The following LRP11 variants were observed in gnomAD, a reference collection of about 807,000 sequenced individuals.
The protein encoded by LRP11 is low-density lipoprotein receptor-related protein 11.
Under a neutral mutation model 43.1 loss-of-function variants are expected in LRP11, and 25 were observed. That is an observed-to-expected ratio of 0.58 (90% CI 0.42 to 0.81). The LOEUF is 0.81. Ranked by LOEUF, LRP11 falls within the 30% of genes least tolerant of loss-of-function variation. The pLI is 0.00. For missense variants in LRP11, 623 were observed against 665.1 expected, an observed-to-expected ratio of 0.94 and a Z score of 0.70; for synonymous variants, 316 against 299.4, an observed-to-expected ratio of 1.06 and a Z score of -0.57.
chr6:149,830,784 G>C (rs1244189818), intron 5 of LRP11, among the ~76,000 whole-genome samples: 1 of 152,194 alleles, frequency 6.6e-6, no homozygotes, highest in Non-Finnish European at 1.5e-5. Flanking sequence ...TGTAGGGAGG[G>C]ATCAGGTATC....
chr6:149,821,580 G>A (rs1776278820), intron 6 of LRP11, among the ~76,000 whole-genome samples: 1 of 152,224 alleles, frequency 6.6e-6, no homozygotes, highest in South Asian at 2.1e-4. Context: ...AGTTTTTCCT[G>A]TGAGGTGGAT....
chr6:149,831,409 G>T lies in LRP11; in HGVS notation c.1252+4676C>A, dbSNP rs532006572. On this transcript the variant is annotated intron_variant, in intron 5 of 6. Coordinates refer to ENST00000239367, the MANE Select transcript of LRP11 (RefSeq NM_032832.6). ...CTCGGGGTAGCTTGGATACAAGAGG[G>T]TGGAATTGTTAATGAATGACATGGA... Among the ~76,000 whole-genome samples the T allele has an allele frequency of 8.5e-5, 13 of 152,334 alleles. No homozygotes were observed. The South Asian group carries it at 2.1e-3, about 24-fold the overall frequency.
chr6:149,841,114 C>T (rs1015732019), intron 3 of LRP11, among the ~76,000 whole-genome samples: 3 of 152,068 alleles, frequency 2.0e-5, no homozygotes, highest in African/African-American at 4.8e-5. Flanking sequence ...TTTTTAATGC[C>T]GCCTATGAAA....
intron 2 of LRP11, among the ~76,000 whole-genome samples, chr6:149,846,878 G>A (rs558094594): frequency 2.0e-5 from 3 of 151,994 alleles, no homozygotes; most frequent in Non-Finnish European, 4.4e-5. Context: ...AGGTTGCAGT[G>A]AGCCAAGATT....
intron 4 of LRP11, 118 bp downstream of exon 4, chr6:149,837,220 G>C: frequency 8.8e-7 from 1 of 1,130,734 alleles, no homozygotes. Flanking sequence ...TACATGTAAA[G>C]TTATAACTAA....
Position 149,820,400 on chromosome 6 carries a change from T to G in LRP11, c.*149A>C, listed in dbSNP as rs1420151079. On this transcript the variant is annotated 3_prime_UTR_variant, in exon 7 of 7. Transcript: ENST00000239367. ...ATTTTATGACTTCTAAGGAAACTTT[T>G]TTTACAATAAATAATAAAGAAAGAT... 1 of 476,374 alleles carries G rather than the reference T, an allele frequency of 2.1e-6. No individual in the cohort carries two copies. The highest frequency in any genetic ancestry group is 2.0e-5 in the African/African-American group (1 of 50,342). The allele number at this position is 476,374 out of a possible 1,614,324, so 29.5% of individuals were successfully genotyped here. A position where few individuals can be genotyped will look rare whatever the true frequency, so the allele number is the denominator to read the frequency against.
chr6:149,854,707 G>A (rs7748221), intron 1 of LRP11, among the ~76,000 whole-genome samples: 5,054 of 152,258 alleles, frequency 0.033, 257 homozygotes, highest in African/African-American at 0.12. Flanking sequence ...GCTCTGGTTC[G>A]AGTGCTGGCT....
chr6:149,842,571 A>T, intron 3 of LRP11: 1 of 1,409,892 alleles, frequency 7.1e-7, no homozygotes. Flanking sequence ...TCCCCCGCAC[A>T]GCCTCCAGTA....
intron 1 of LRP11, among the ~76,000 whole-genome samples, chr6:149,859,396 A>ATATATATATATATATATATATATACATAT: frequency 1.4e-5 from 1 of 71,512 alleles, no homozygotes; most frequent in Non-Finnish European, 2.3e-5. Flanking sequence ...ATATATATAT[A>ATATATATATATATATATATATATACATAT]TTTTTTTTTT....
intron 2 of LRP11, among the ~76,000 whole-genome samples, chr6:149,847,127 G>T (rs931744959): frequency 6.6e-6 from 1 of 152,118 alleles, no homozygotes; most frequent in Non-Finnish European, 1.5e-5. Flanking sequence ...GAGCTTCTGG[G>T]TGTCAAAGCT....
intron 3 of LRP11, chr6:149,842,418 C>T: frequency 3.5e-6 from 2 of 567,170 alleles, no homozygotes; most frequent in East Asian, 2.9e-5. Context: ...CATTTAAAAC[C>T]TACTGTTTTA....
At chr6:149,854,807 G>C (rs2115414263) in intron 1 of LRP11, among the ~76,000 whole-genome samples, 1 of 152,220 alleles carries the variant, frequency 6.6e-6, no homozygotes, top group South Asian at 2.1e-4. Context: ...CTCCACAGGG[G>C]CCAATGTTGC....
rs1014260003 is a variant in LRP11, at chr6:149,819,308, G to A, written c.*1241C>T. ...TATTTTAAAATATTTGCCACTTATG[G>A]TTAAAAAAAACGTGAATAAGAATAT... On this transcript the variant is annotated 3_prime_UTR_variant, in exon 7 of 7. Coordinates refer to ENST00000239367, the MANE Select transcript of LRP11 (RefSeq NM_032832.6). 1 of 151,782 alleles carries A rather than the reference G, an allele frequency of 6.6e-6. No individual in the cohort carries two copies. The highest frequency in any genetic ancestry group is 1.5e-5 in the Non-Finnish European group (1 of 67,988). 9.4% of individuals were successfully genotyped at this position (151,782 alleles called of 1,614,324 possible). A position where few individuals can be genotyped will look rare whatever the true frequency, so the allele number is the denominator to read the frequency against.
At position 149,839,334 on chromosome 6, in the gene LRP11, G is replaced by A. The variant is rs143786304; in HGVS notation, c.914-1871C>T. The stretch of plus-strand genomic sequence containing the variant: ...ATAAATGGTGATAGAAGCTCCTGCG[G>A]AAGAAGAGGAAGCAAAGAGCCTGCA... On this transcript the variant is annotated intron_variant, in intron 3 of 6. Coordinates refer to ENST00000239367, the MANE Select transcript of LRP11 (RefSeq NM_032832.6). 5.9e-3 allele frequency among the ~76,000 whole-genome samples: 896 copies of A among 152,286 alleles called. 7 individuals carry two copies. Among genetic ancestry groups the A allele is most frequent in the African/African-American group, 0.021 (855 of 41,566 alleles).
intron 2 of LRP11, among the ~76,000 whole-genome samples, chr6:149,848,428 G>T (rs775999996): frequency 5.3e-5 from 8 of 152,150 alleles, no homozygotes; most frequent in Non-Finnish European, 1.2e-4. Flanking sequence ...ACACATGCAT[G>T]CATACGTTCA....
intron 1 of LRP11, among the ~76,000 whole-genome samples, chr6:149,862,603 G>C (rs1475656393): frequency 2.1e-5 from 2 of 95,770 alleles, no homozygotes; most frequent in Non-Finnish European, 4.1e-5. Context: ...TTTTAAGATG[G>C]AGTTTCGCTC....
chr6:149,844,638 C>T (rs1776604459), intron 2 of LRP11, among the ~76,000 whole-genome samples: 1 of 152,184 alleles, frequency 6.6e-6, no homozygotes, highest in Non-Finnish European at 1.5e-5. Flanking sequence ...ATGAACTAGT[C>T]TGGATATTGT....
chr6:149,850,692 G>A (rs896852470), intron 2 of LRP11, among the ~76,000 whole-genome samples: 1 of 152,162 alleles, frequency 6.6e-6, no homozygotes, highest in African/African-American at 2.4e-5. Flanking sequence ...TTTCTCTAGG[G>A]TGAAAGTCAA....
At position 149,864,276 on chromosome 6, in the gene LRP11, G is replaced by GCGCCTCTC; in HGVS notation, c.-264_-257dup. On this transcript the variant is annotated 5_prime_UTR_variant, in exon 1 of 7. Coordinates refer to ENST00000239367, the MANE Select transcript of LRP11 (RefSeq NM_032832.6). ...CTCGCCGGAGACTGCCCAGCGCCCT[G>GCGCCTCTC]CGCCTCTCCGCCCCGGCCTGCGGCG... The GCGCCTCTC allele has an allele frequency of 1.9e-6, 2 of 1,059,248 alleles. No homozygotes were observed. The highest frequency in any genetic ancestry group is 4.5e-5 in the South Asian group (1 of 21,996). The allele number at this position is 1,059,248 out of a possible 1,614,324, so 65.6% of individuals were successfully genotyped here.
Sources: gnomAD v4.1 joint callset for allele counts (sites outside exome capture counted in the v4.1 genomes callset) on GRCh38, gnomAD v4.1.1 for gene constraint, MANE v1.5 for transcripts, NCBI Gene and HGNC (gene_info 2026-07-23, HGNC 2026-07-21) for gene names.